The following ERC1 variants were observed in gnomAD, a reference collection of about 807,000 sequenced individuals.
The protein encoded by ERC1 is RAB6 interacting protein 2.
Under a neutral mutation model 132.0 loss-of-function variants are expected in ERC1, and 56 were observed. That is an observed-to-expected ratio of 0.42 (90% confidence interval 0.34 to 0.53). The LOEUF (loss-of-function observed/expected upper bound fraction) is 0.53. ERC1 is among the 20% of genes least tolerant of loss of function. ERC1 has a pLI of 0.03. For missense variants in ERC1, 1,202 were observed against 1,349.9 expected (o/e 0.89, Z 1.72); for synonymous variants, 478 against 476.1 (o/e 1.00, Z -0.05).
chr12:1,290,791 G>A (rs1404169006), intron 15 of ERC1, among the ~76,000 whole-genome samples: 1 of 151,970 alleles, frequency 6.6e-6, no homozygotes, highest in Non-Finnish European at 1.5e-5. Context: ...TCTGTGAGCA[G>A]TTATCTTTAT....
In ERC1 at chr12:1,374,792, T is replaced by C. The variant is rs997657501; in HGVS notation, c.2925+2815T>C. ...CTGTGTGCTCTACACAGATGTGTTA[T>C]AGGCAGGCTGGGCTTTTCAGGACAG... On this transcript the variant is annotated intron_variant, in intron 16 of 18. Coordinates refer to ENST00000360905, the MANE Select transcript of ERC1 (RefSeq NM_178040.4). Among the ~76,000 whole-genome samples, 8 of 151,736 alleles carry C rather than the reference T, an allele frequency of 5.3e-5. No homozygotes were observed. In the South Asian group the frequency reaches 1.3e-3, roughly 24 times the overall value.
At chr12:1,343,512 C>T (rs2084121295) in intron 15 of ERC1, among the ~76,000 whole-genome samples, 1 of 152,108 alleles carries the variant, frequency 6.6e-6, no homozygotes, top group Admixed American at 6.6e-5. Flanking sequence ...GTCTGTTCTT[C>T]CCTGAAGCAG....
intron 15 of ERC1, among the ~76,000 whole-genome samples, chr12:1,342,323 TG>T (rs1046639914): frequency 6.6e-6 from 1 of 151,606 alleles, no homozygotes; most frequent in Non-Finnish European, 1.5e-5. Context: ...AAAAATTAGC[TG>T]GGCATGGTGG....
intron 13 of ERC1, among the ~76,000 whole-genome samples, chr12:1,246,435 C>T (rs1158402571): frequency 6.6e-6 from 1 of 152,114 alleles, no homozygotes; most frequent in South Asian, 2.1e-4. Context: ...GGCATATGGA[C>T]AGACGGCTCT....
intron 18 of ERC1, 106 bp from the exon 19 acceptor site, chr12:1,489,987 G>A: frequency 5.0e-6 from 6 of 1,210,106 alleles, no homozygotes; most frequent in Non-Finnish European, 7.0e-6. Flanking sequence ...GATGCAGAGA[G>A]ACTTCACATA....
chr12:1,446,969 A>G (rs191141556), intron 18 of ERC1, among the ~76,000 whole-genome samples: 32 of 151,260 alleles, frequency 2.1e-4, no homozygotes, highest in Admixed American at 9.9e-4. Flanking sequence ...ACAGTAAGCT[A>G]TGATTGTGCC....
intron 18 of ERC1, among the ~76,000 whole-genome samples, chr12:1,472,671 G>T (rs2093887382): frequency 1.3e-5 from 2 of 149,222 alleles, no homozygotes; most frequent in African/African-American, 5.0e-5. Context: ...AAAAAGAGAA[G>T]AGAAAAGGAA....
At chr12:1,360,005 A>G (rs2085931139) in intron 15 of ERC1, among the ~76,000 whole-genome samples, 1 of 152,176 alleles carries the variant, frequency 6.6e-6, no homozygotes. Flanking sequence ...TGTAAATCTT[A>G]AAAATTTTTA....
chr12:1,365,222 T>G (rs2086542518), intron 15 of ERC1, among the ~76,000 whole-genome samples: 1 of 152,208 alleles, frequency 6.6e-6, no homozygotes, highest in Non-Finnish European at 1.5e-5. Context: ...CTTTCTTTCT[T>G]TAAATGAAAT....
intron 13 of ERC1, among the ~76,000 whole-genome samples, chr12:1,253,009 CATT>C (rs1380862782): frequency 1.3e-5 from 2 of 152,118 alleles, no homozygotes; most frequent in Non-Finnish European, 2.9e-5. Context: ...TAACAGTTAA[CATT>C]AATATCTTTC....
At chr12:1,009,807 C>T (rs1964382782) in intron 1 of ERC1, among the ~76,000 whole-genome samples, 1 of 152,068 alleles carries the variant, frequency 6.6e-6, no homozygotes, top group Non-Finnish European at 1.5e-5. Context: ...TCATTATAAA[C>T]TAGATACTGT....
intron 18 of ERC1, among the ~76,000 whole-genome samples, chr12:1,462,434 C>T (rs962463750): frequency 2.6e-5 from 4 of 152,132 alleles, no homozygotes; most frequent in African/African-American, 4.8e-5. Context: ...CCCAAATGTC[C>T]ATTAACAGGA....
intron 16 of ERC1, among the ~76,000 whole-genome samples, chr12:1,402,876 C>G (rs999769860): frequency 2.6e-5 from 4 of 152,114 alleles, no homozygotes; most frequent in African/African-American, 7.2e-5. Flanking sequence ...AATTAGTCTG[C>G]TTTTATTCTG....
intron 12 of ERC1, among the ~76,000 whole-genome samples, chr12:1,218,297 A>G (rs959731976): frequency 5.9e-5 from 9 of 152,052 alleles, no homozygotes; most frequent in Admixed American, 4.6e-4. Context: ...TGCCCAACCT[A>G]AAGATGCTTC....
intron 12 of ERC1, among the ~76,000 whole-genome samples, chr12:1,223,424 C>A (rs1293145106): frequency 6.6e-6 from 1 of 152,132 alleles, no homozygotes. Flanking sequence ...ATTCATATCC[C>A]CTGGGAACCT....
chr12:1,044,925 A>G (rs976501726), intron 2 of ERC1, among the ~76,000 whole-genome samples: 2 of 152,112 alleles, frequency 1.3e-5, no homozygotes, highest in African/African-American at 4.8e-5. Context: ...TGAATTATGG[A>G]GTGCTTTCCC....
intron 13 of ERC1, among the ~76,000 whole-genome samples, chr12:1,242,363 C>T (rs1007094741): frequency 6.6e-6 from 1 of 152,052 alleles, no homozygotes; most frequent in African/African-American, 2.4e-5. Flanking sequence ...ATTCATTCCT[C>T]TTTATTCCTA....
intron 7 of ERC1, among the ~76,000 whole-genome samples, chr12:1,138,942 A>C (rs1007336912): frequency 6.6e-6 from 1 of 152,160 alleles, no homozygotes; most frequent in Non-Finnish European, 1.5e-5. Context: ...TGGGCCTGCT[A>C]TCTCCTCTGA....
At chr12:1,383,429 T>G (rs1002106137) in intron 16 of ERC1, among the ~76,000 whole-genome samples, 1 of 137,724 alleles carries the variant, frequency 7.3e-6, no homozygotes, top group Non-Finnish European at 1.7e-5. Context: ...CTGTTCCTGC[T>G]GCCTCTTTTG....
Sources: gnomAD v4.1 joint callset for allele counts (sites outside exome capture counted in the v4.1 genomes callset) on GRCh38, gnomAD v4.1.1 for gene constraint, MANE v1.5 for transcripts, NCBI Gene and HGNC (gene_info 2026-07-23, HGNC 2026-07-21) for gene names.